ASCC3: variants seen among roughly 807,000 people sequenced by gnomAD.
ASCC3 encodes activating signal cointegrator 1 complex subunit 3, also known as ASC-1 complex subunit P200.
A neutral mutation model predicts 256.3 loss-of-function variants in ASCC3; 158 were observed. That is an observed-to-expected ratio of 0.62 (90% confidence interval 0.54 to 0.70). The LOEUF is 0.70. Ranked by LOEUF, ASCC3 falls within the 30% of genes least tolerant of loss-of-function variation. ASCC3 has a pLI of 0.00. For missense variants in ASCC3, 2,259 were observed against 2,626.0 expected, an observed-to-expected ratio of 0.86 and a Z score of 3.05; for synonymous variants, 948 against 883.4, an observed-to-expected ratio of 1.07 and a Z score of -1.30.
At chr6:100,880,792 T>C (rs1279252151) in intron 1 of ASCC3, among the ~76,000 whole-genome samples, 7 of 152,166 alleles carry the variant, frequency 4.6e-5, no homozygotes, top group Non-Finnish European at 4.4e-5. Flanking sequence ...TCTGGTCACG[T>C]TGTGGCTTAA....
chr6:100,839,033 G>C (rs1772014608), intron 4 of ASCC3, among the ~76,000 whole-genome samples: 1 of 151,922 alleles, frequency 6.6e-6, no homozygotes, highest in African/African-American at 2.4e-5. Flanking sequence ...ACATATCTTT[G>C]TTTTACTAAT....
intron 36 of ASCC3, among the ~76,000 whole-genome samples, chr6:100,589,180 T>G (rs566861613): frequency 6.6e-6 from 1 of 152,214 alleles, no homozygotes; most frequent in East Asian, 1.9e-4. Flanking sequence ...TTTGTGGGGA[T>G]GGGGGATAAA....
intron 8 of ASCC3, among the ~76,000 whole-genome samples, chr6:100,776,909 G>A (rs554714241): frequency 6.6e-6 from 1 of 151,912 alleles, no homozygotes; most frequent in South Asian, 2.1e-4. Flanking sequence ...AGATACCAAG[G>A]ACATACATTA....
intron 4 of ASCC3, among the ~76,000 whole-genome samples, chr6:100,823,314 C>T (rs746646709): frequency 2.0e-5 from 3 of 152,030 alleles, no homozygotes; most frequent in Non-Finnish European, 4.4e-5. Context: ...GATACAAGTT[C>T]CTGAAGTTAT....
chr6:100,819,178 T>TG (rs1336465729), intron 4 of ASCC3, among the ~76,000 whole-genome samples: 1 of 110,500 alleles, frequency 9.0e-6, no homozygotes, highest in Non-Finnish European at 1.8e-5. Flanking sequence ...GCTGGGGGGC[T>TG]GGGGGAGGGA....
intron 8 of ASCC3, among the ~76,000 whole-genome samples, chr6:100,781,213 G>C (rs1380263594): frequency 6.6e-6 from 1 of 152,056 alleles, no homozygotes; most frequent in African/African-American, 2.4e-5. Context: ...TCCATGTTAA[G>C]AATAAATTGT....
At chr6:100,707,004 T>C (rs1778618505) in intron 13 of ASCC3, among the ~76,000 whole-genome samples, 2 of 152,088 alleles carry the variant, frequency 1.3e-5, no homozygotes, top group African/African-American at 4.8e-5. Context: ...TAGAAGCAAA[T>C]TTCAACTAGT....
intron 4 of ASCC3, among the ~76,000 whole-genome samples, chr6:100,841,280 A>G (rs1336066331): frequency 9.9e-5 from 15 of 152,188 alleles, no homozygotes; most frequent in Non-Finnish European, 1.5e-5. Context: ...AGAGCATATC[A>G]TGAGGTTCAA....
At chr6:100,646,841 G>C in intron 21 of ASCC3, 72 bp from the exon 22 acceptor site, 1 of 1,447,372 alleles carries the variant, frequency 6.9e-7, no homozygotes, top group South Asian at 1.2e-5. Context: ...CTTGTAAATG[G>C]GATTTCAGAG....
At chr6:100,622,956 A>G (rs1774038239) in intron 30 of ASCC3, among the ~76,000 whole-genome samples, 1 of 152,220 alleles carries the variant, frequency 6.6e-6, no homozygotes, top group South Asian at 2.1e-4. Context: ...ATGTCTATAT[A>G]CTTTAAGCAA....
At chr6:100,569,362 T>G (rs771975744) in intron 36 of ASCC3, among the ~76,000 whole-genome samples, 13 of 152,122 alleles carry the variant, frequency 8.5e-5, no homozygotes, top group South Asian at 4.2e-4. Flanking sequence ...CTGTTTTGGT[T>G]ACTGTAACCT....
At chr6:100,672,087 T>A (rs1210400199) in intron 14 of ASCC3, among the ~76,000 whole-genome samples, 3 of 152,092 alleles carry the variant, frequency 2.0e-5, no homozygotes, top group Non-Finnish European at 4.4e-5. Context: ...TCAGCTTAAA[T>A]GTCACTTTGT....
intron 36 of ASCC3, among the ~76,000 whole-genome samples, chr6:100,558,192 T>C (rs904043936): frequency 1.4e-4 from 21 of 151,948 alleles, no homozygotes; most frequent in African/African-American, 4.6e-4. Context: ...GACTTGAATA[T>C]CAAAGTATTA....
At chr6:100,869,349 T>A (rs1157804146) in intron 1 of ASCC3, among the ~76,000 whole-genome samples, 1 of 152,238 alleles carries the variant, frequency 6.6e-6, no homozygotes, top group Non-Finnish European at 1.5e-5. Flanking sequence ...TCTTGACTAC[T>A]GTATTCCTGA....
At chr6:100,525,826 T>TG (rs2114631345) in intron 37 of ASCC3, among the ~76,000 whole-genome samples, 1 of 152,280 alleles carries the variant, frequency 6.6e-6, no homozygotes, top group East Asian at 1.9e-4. Context: ...AAAAGTTTAT[T>TG]TAAAAAAATT....
intron 2 of ASCC3, among the ~76,000 whole-genome samples, chr6:100,864,987 G>A (rs1773411027): frequency 6.6e-6 from 1 of 152,190 alleles, no homozygotes; most frequent in South Asian, 2.1e-4. Flanking sequence ...AAATGAAAAA[G>A]TAGTGGGTCA....
chr6:100,601,147 G>C (rs1339296984), intron 34 of ASCC3, among the ~76,000 whole-genome samples: 1 of 152,038 alleles, frequency 6.6e-6, no homozygotes, highest in Non-Finnish European at 1.5e-5. Context: ...TCAAGATTTG[G>C]ATGAAGTGTC....
intron 4 of ASCC3, among the ~76,000 whole-genome samples, chr6:100,821,875 A>T (rs1771064411): frequency 6.6e-6 from 1 of 152,128 alleles, no homozygotes. Flanking sequence ...ACATGAATGA[A>T]CTATGAAAAC....
Position 100,702,057 on chromosome 6 carries a change from G to A in ASCC3, c.2151+13405C>T, listed in dbSNP as rs576444390. ...ACTTTAATCATTTAAATGTCATACT[G>A]GAACCGTGTTTTGAAAGCCAGGTCT... On this transcript the variant is annotated intron_variant, in intron 13 of 41. Coordinates refer to ENST00000369162, the MANE Select transcript of ASCC3 (RefSeq NM_006828.4). Among the ~76,000 whole-genome samples, 11 of 152,276 alleles carry A rather than the reference G, an allele frequency of 7.2e-5. No individual in the cohort carries two copies. The South Asian group carries it at 1.9e-3, about 26-fold the overall frequency.
Sources: allele counts gnomAD v4.1 joint callset (sites outside exome capture counted in the v4.1 genomes callset), GRCh38; gene constraint gnomAD v4.1.1; transcripts MANE v1.5; gene names NCBI Gene and HGNC (gene_info 2026-07-23, HGNC 2026-07-21).